SLC25A26: variants seen among roughly 807,000 people sequenced by gnomAD.
SLC25A26 encodes the protein solute carrier family 25 member 26, also known as mitochondrial S-adenosylmethionine carrier protein.
SLC25A26 carries 36 observed loss-of-function variants against 37.8 expected under a neutral mutation model. The observed-to-expected ratio is 0.95, with a 90% confidence interval of 0.73 to 1.26. SLC25A26 has a LOEUF of 1.26. Among genes scored for constraint, SLC25A26 ranks in the 50% most tolerant of loss-of-function variants. SLC25A26 has a pLI of 0.00. For synonymous variants in SLC25A26, 129 were observed against 122.5 expected (o/e 1.05, Z -0.35); for missense variants, 390 against 331.1 (o/e 1.18, Z -1.38).
chr3:66,315,677 T>C (rs1315690190), intron 5 of SLC25A26, among the ~76,000 whole-genome samples: 2 of 152,138 alleles, frequency 1.3e-5, no homozygotes, highest in Admixed American at 6.6e-5. Context: ...TCTTTGTTAA[T>C]TTTCTGTCTC....
At chr3:66,329,551 C>T (rs1365169009) in intron 5 of SLC25A26, among the ~76,000 whole-genome samples, 4 of 151,874 alleles carry the variant, frequency 2.6e-5, no homozygotes, top group African/African-American at 7.3e-5. Flanking sequence ...TGTTAGACAA[C>T]GTTGAGATCA....
intron 5 of SLC25A26, among the ~76,000 whole-genome samples, chr3:66,306,126 A>G (rs1576839049): frequency 6.6e-6 from 1 of 152,154 alleles, no homozygotes; most frequent in Non-Finnish European, 1.5e-5. Flanking sequence ...CTGGGACTAC[A>G]GGTGTGCACC....
chr3:66,329,692 C>G (rs1383965339), intron 5 of SLC25A26, among the ~76,000 whole-genome samples: 1 of 152,150 alleles, frequency 6.6e-6, no homozygotes, highest in African/African-American at 2.4e-5. Context: ...TATTTTGTGA[C>G]AGATTGTTCC....
At chr3:66,140,103 C>G (rs1472997231) in intron 1 of SLC25A26, among the ~76,000 whole-genome samples, 1 of 152,184 alleles carries the variant, frequency 6.6e-6, no homozygotes, top group Non-Finnish European at 1.5e-5. Flanking sequence ...CAGGTCTGTT[C>G]TCTTTCATGG....
At chr3:66,323,354 A>G (rs542964741) in intron 5 of SLC25A26, among the ~76,000 whole-genome samples, 1 of 152,326 alleles carries the variant, frequency 6.6e-6, no homozygotes, top group South Asian at 2.1e-4. Flanking sequence ...AAAATAATGT[A>G]TTATATCAGT....
At chr3:66,362,784 C>T in intron 6 of SLC25A26, 76 bp from the exon 7 acceptor site, 1 of 978,842 alleles carries the variant, frequency 1.0e-6, no homozygotes. Flanking sequence ...GTTCCCATCC[C>T]CAGAGCTAAC....
Position 66,326,768 on chromosome 3 carries a change from C to T in SLC25A26, c.454-19596C>T, listed in dbSNP as rs894817410. On this transcript the variant is annotated intron_variant, in intron 5 of 9. Coordinates refer to ENST00000354883, the MANE Select transcript of SLC25A26 (RefSeq NM_001379210.1). Reference sequence around the variant, plus strand: ...CCAAATGTGTTCATAGGAACAAGATCTTCAGAAGCCTCCAGCGGAAAAAGA... The same window carrying T: ...CCAAATGTGTTCATAGGAACAAGATTTTCAGAAGCCTCCAGCGGAAAAAGA... Among the ~76,000 whole-genome samples, 4 of 152,172 alleles carry T rather than the reference C, an allele frequency of 2.6e-5. No homozygotes were observed. The South Asian group carries it at 8.3e-4, about 32-fold the overall frequency.
intron 1 of SLC25A26, among the ~76,000 whole-genome samples, chr3:66,187,278 C>T (rs2106779224): frequency 6.6e-6 from 1 of 152,070 alleles, no homozygotes; most frequent in East Asian, 1.9e-4. Flanking sequence ...CAGCCTTACC[C>T]TTCCCCTGAC....
At chr3:66,164,844 G>A (rs976998808) in intron 1 of SLC25A26, among the ~76,000 whole-genome samples, 1 of 152,106 alleles carries the variant, frequency 6.6e-6, no homozygotes, top group Non-Finnish European at 1.5e-5. Flanking sequence ...CAGTTATCAT[G>A]GTGGTAACTG....
rs78118376 is a variant in SLC25A26 at position 66,312,562 on chromosome 3, A to C, written c.454-33802A>C. Among the ~76,000 whole-genome samples, 5 of 151,440 alleles carry C rather than the reference A, an allele frequency of 3.3e-5. No individual in the cohort carries two copies. The South Asian group carries it at 8.4e-4, about 25-fold the overall frequency. ...AAAAAGAAACAACAGAAAAAAAAAA[A>C]CTCCTGCACCTAGCTCTGCCCAAAC... On this transcript the variant is annotated intron_variant, in intron 5 of 9. Transcript: ENST00000354883.
chr3:66,241,468 C>T (rs2072581099), intron 2 of SLC25A26, among the ~76,000 whole-genome samples: 1 of 152,090 alleles, frequency 6.6e-6, no homozygotes. Context: ...GGAAGATGTA[C>T]AATTAGCTGT....
chr3:66,279,917 T>G (rs1559649624), intron 5 of SLC25A26, among the ~76,000 whole-genome samples: 1 of 152,140 alleles, frequency 6.6e-6, no homozygotes, highest in Non-Finnish European at 1.5e-5. Context: ...CGGGACAAAA[T>G]TTATTATCCT....
rs748253771 is a variant in SLC25A26 at position 66,377,800 on chromosome 3, G to C, written c.818G>C (p.Ser273Thr). 67 of 1,613,222 alleles carry C rather than the reference G, an allele frequency of 4.2e-5. No homozygotes were observed. The highest frequency in any genetic ancestry group is 5.0e-5 in the Non-Finnish European group (59 of 1,179,380). ...HSLLLEVGRK[S>T]P Reference sequence around the variant, plus strand: ...TTGCTGTTGGAAGTTGGCAGAAAGAGTCCTTGAAGCAGAGACAAGCCTCAC... The same window carrying C: ...TTGCTGTTGGAAGTTGGCAGAAAGACTCCTTGAAGCAGAGACAAGCCTCAC... Residue 273 changes from serine (S) to threonine (T), a missense_variant, in exon 10 of 10, where the codon AGT becomes ACT. Physicochemically the swap from Ser to Thr is moderately conservative, Grantham distance 58. Transcript: ENST00000354883.
intron 5 of SLC25A26, among the ~76,000 whole-genome samples, chr3:66,275,861 C>G (rs1044959108): frequency 1.6e-4 from 24 of 151,984 alleles, no homozygotes; most frequent in Non-Finnish European, 2.6e-4. Context: ...GAAGAAGATC[C>G]TTCATTAGGT....
At chr3:66,208,647 C>CACCTTTATATGGGTATATATATATATAT (rs2071211986) in intron 1 of SLC25A26, among the ~76,000 whole-genome samples, 5 of 38,122 alleles carry the variant, frequency 1.3e-4, no homozygotes, top group African/African-American at 3.3e-4. Context: ...TATATACACA[C>CACCTTTATATGGGTATATATATATATAT]ACACCTTTAT....
chr3:66,286,720 C>T (rs1279519339), intron 5 of SLC25A26, among the ~76,000 whole-genome samples: 1 of 152,116 alleles, frequency 6.6e-6, no homozygotes. Context: ...TGCTCTGCCA[C>T]CAAGGCTGGG....
chr3:66,254,722 A>G (rs983042978), intron 3 of SLC25A26, among the ~76,000 whole-genome samples: 1 of 152,270 alleles, frequency 6.6e-6, no homozygotes, highest in Non-Finnish European at 1.5e-5. Context: ...TCTGACCTTC[A>G]GCAACTTCTA....
chr3:66,346,854 C>G lies in SLC25A26; in HGVS notation c.498+446C>G, dbSNP rs1311438125. 2.0e-5 allele frequency among the ~76,000 whole-genome samples: 3 copies of G among 152,010 alleles called. No homozygotes were observed. In the East Asian group the frequency reaches 5.8e-4, roughly 29 times the overall value. ...GACTGAGAAGGACCAGCTCCCCTAG[C>G]ACCCTGTGTAAGGACCACTTGGATG... On this transcript the variant is annotated intron_variant, in intron 6 of 9. Transcript: ENST00000354883.
chr3:66,377,714 A>T lies in SLC25A26; in HGVS notation c.732A>T (p.Arg244=). The T allele has an allele frequency of 6.2e-7, 1 of 1,613,746 alleles. No individual in the cohort carries two copies. The highest frequency in any genetic ancestry group is 8.5e-7 in the Non-Finnish European group (1 of 1,179,802). Residue 244 remains arginine, a synonymous_variant, in exon 10 of 10, where the codon CGA becomes CGT. Coordinates refer to ENST00000354883, the MANE Select transcript of SLC25A26 (RefSeq NM_001379210.1). The part of the protein sequence containing the change: ...LAGLFAGVFP[R]MAAISLGGFI... ...GATTATTTGCAGGTGTCTTCCCTCGAATGGCAGCCATCAGTCTGGGAGGTT... is the reference window on the plus strand; with the variant it reads ...GATTATTTGCAGGTGTCTTCCCTCGTATGGCAGCCATCAGTCTGGGAGGTT...
Sources: gnomAD v4.1 joint callset for allele counts (sites outside exome capture counted in the v4.1 genomes callset) on GRCh38, gnomAD v4.1.1 for gene constraint, MANE v1.5 for transcripts, NCBI Gene and HGNC (gene_info 2026-07-23, HGNC 2026-07-21) for gene names.